Variants in C2CD2 observed in about 807,000 individuals in gnomAD.
The protein encoded by C2CD2 is C2 domain-containing protein 2.
In C2CD2, 43 loss-of-function variants were observed where a neutral mutation model predicts 74.3. The ratio of observed to expected loss-of-function variants is 0.58; its 90% CI spans 0.45 to 0.75. The LOEUF (loss-of-function observed/expected upper bound fraction) is 0.75. Ranked by LOEUF, C2CD2 falls within the 30% of genes least tolerant of loss-of-function variation. C2CD2 has a pLI of 0.00. For missense variants in C2CD2, 801 were observed against 916.3 expected (o/e 0.87, Z 1.63); for synonymous variants, 422 against 390.7 (o/e 1.08, Z -0.94).
rs1040464381 is a variant in C2CD2 at position 41,887,071 on chromosome 21, C to T, written c.*2053G>A. 3.9e-5 allele frequency: 6 copies of T among 152,166 alleles called. No homozygotes were observed. The highest frequency in any genetic ancestry group is 1.2e-4 in the African/African-American group (5 of 41,444). 9.4% of individuals were successfully genotyped at this position (152,166 alleles called of 1,614,324 possible). On this transcript the variant is annotated 3_prime_UTR_variant, in exon 14 of 14. Transcript: ENST00000380486. ...TCAAATAAAAAAGAACAATTAAAAA[C>T]TTCTCATCAGTGTCTGAAATTCTGA...
intron 1 of C2CD2, among the ~76,000 whole-genome samples, chr21:41,952,389 G>A (rs747141695): frequency 5.9e-5 from 9 of 152,196 alleles, no homozygotes; most frequent in African/African-American, 4.8e-5. Flanking sequence ...TGATGGGGCC[G>A]GACATTGAAA....
chr21:41,903,017 G>T lies in C2CD2; in HGVS notation c.1433-1268C>A, dbSNP rs934349685. Among the ~76,000 whole-genome samples the T allele has an allele frequency of 6.6e-6, 1 of 152,100 alleles. No homozygotes were observed. Among genetic ancestry groups the T allele is most frequent in the Admixed American group, 6.6e-5 (1 of 15,256 alleles). The stretch of plus-strand genomic sequence containing the variant: ...CTCAAATCACCAAAGGCCAATAAGT[G>T]AATCAATCATGCCTACATACCTACT... On this transcript the variant is annotated intron_variant, in intron 11 of 13. Coordinates refer to ENST00000380486, the MANE Select transcript of C2CD2 (RefSeq NM_015500.2). The surrounding 1 kb of genome is among the most constrained non-coding windows in gnomAD (Gnocchi z 4.5).
At chr21:41,902,266 A>G (rs905235478) in intron 11 of C2CD2, among the ~76,000 whole-genome samples, 1 of 152,232 alleles carries the variant, frequency 6.6e-6, no homozygotes, top group Non-Finnish European at 1.5e-5. Flanking sequence ...TTCCCTCCCA[A>G]GAGTGCCTAA....
chr21:41,917,521 A>G (rs1293713955), intron 5 of C2CD2, among the ~76,000 whole-genome samples: 1 of 152,228 alleles, frequency 6.6e-6, no homozygotes, highest in Non-Finnish European at 1.5e-5. Flanking sequence ...TAGGCCCATG[A>G]GGTTGACCAG....
intron 2 of C2CD2, among the ~76,000 whole-genome samples, chr21:41,928,561 A>G (rs1482865224): frequency 6.6e-6 from 1 of 150,598 alleles, no homozygotes; most frequent in African/African-American, 2.5e-5. Flanking sequence ...AAAAAAAAAA[A>G]AAAAAAAGAC....
chr21:41,922,767 G>A (rs907679610), intron 2 of C2CD2, among the ~76,000 whole-genome samples: 2 of 152,178 alleles, frequency 1.3e-5, no homozygotes, highest in East Asian at 1.9e-4. Context: ...GAGCCACCAC[G>A]CCTGGCCTAG....
chr21:41,936,385 A>G (rs2065307290), intron 2 of C2CD2, among the ~76,000 whole-genome samples: 1 of 152,242 alleles, frequency 6.6e-6, no homozygotes, highest in Admixed American at 6.5e-5. Context: ...CAAAGCCACA[A>G]GGAGATATCA....
At chr21:41,941,278 T>C (rs1280862501) in intron 2 of C2CD2, among the ~76,000 whole-genome samples, 1 of 152,106 alleles carries the variant, frequency 6.6e-6, no homozygotes, top group Non-Finnish European at 1.5e-5. Context: ...GGAGGATCAT[T>C]TGGGCCCAGA....
Position 41,926,059 on chromosome 21 carries a change from A to G in C2CD2, c.379-3974T>C, listed in dbSNP as rs993977994. 6.6e-6 allele frequency among the ~76,000 whole-genome samples: 1 copy of G among 152,132 alleles called. No homozygotes were observed. The highest frequency in any genetic ancestry group is 1.5e-5 in the Non-Finnish European group (1 of 68,026). Reference sequence around the variant, plus strand: ...GGATTTTAAAAAGTTAAATAGAAGCAATTATTTGGCATAGGCGGCAGTGAC... The same window carrying G: ...GGATTTTAAAAAGTTAAATAGAAGCGATTATTTGGCATAGGCGGCAGTGAC... On this transcript the variant is annotated intron_variant, in intron 2 of 13. Transcript: ENST00000380486. The surrounding 1 kb of genome is among the most constrained non-coding windows in gnomAD (Gnocchi z 8.0).
At chr21:41,921,766 G>A (rs12152071) in intron 3 of C2CD2, among the ~76,000 whole-genome samples, 4,150 of 152,180 alleles carry the variant, frequency 0.027, 109 homozygotes, top group South Asian at 0.12. Flanking sequence ...GTGTGTGTGT[G>A]TAGTGTGTGT....
At chr21:41,944,447 G>A (rs1249545746) in intron 1 of C2CD2, among the ~76,000 whole-genome samples, 8 of 151,016 alleles carry the variant, frequency 5.3e-5, no homozygotes, top group African/African-American at 1.5e-4. Flanking sequence ...GCATGAACCC[G>A]GGAGGCAGAC....
intron 13 of C2CD2, among the ~76,000 whole-genome samples, chr21:41,898,592 G>A (rs2064851404): frequency 6.6e-6 from 1 of 152,186 alleles, no homozygotes; most frequent in African/African-American, 2.4e-5. Flanking sequence ...TCCCTGTAGA[G>A]CCTCCTAGGG....
At chr21:41,897,123 G>T (rs376037892) in intron 13 of C2CD2, among the ~76,000 whole-genome samples, 125 of 152,354 alleles carry the variant, frequency 8.2e-4, no homozygotes, top group African/African-American at 3.0e-3. Flanking sequence ...GCCCGTGAAG[G>T]GAGAGGAGCA....
In C2CD2 at chr21:41,923,214, C is replaced by T. The variant is rs965863556; in HGVS notation, c.379-1129G>A. Among the ~76,000 whole-genome samples, 20 of 152,044 alleles carry T rather than the reference C, an allele frequency of 1.3e-4. No individual in the cohort carries two copies. Among genetic ancestry groups the T allele is most frequent in the African/African-American group, 2.2e-4 (9 of 41,384 alleles). ...GTTTCACCATTAGCCAGGAGGGTCTCGATCTCCTCACCTCGTGATCCGCCC... is the reference window on the plus strand; with the variant it reads ...GTTTCACCATTAGCCAGGAGGGTCTTGATCTCCTCACCTCGTGATCCGCCC... On this transcript the variant is annotated intron_variant, in intron 2 of 13. Coordinates refer to ENST00000380486, the MANE Select transcript of C2CD2 (RefSeq NM_015500.2). This position sits in a 1 kb window ranked among gnomAD's most constrained non-coding sequence, Gnocchi z 5.8.
intron 1 of C2CD2, among the ~76,000 whole-genome samples, chr21:41,947,167 T>C (rs1340781130): frequency 2.0e-4 from 21 of 102,452 alleles, no homozygotes; most frequent in Middle Eastern, 4.5e-3. Context: ...CCTCTCTCCT[T>C]CTTTTTTGAG....
In C2CD2 at chr21:41,926,470, A is replaced by C. The variant is rs538527069; in HGVS notation, c.379-4385T>G. On this transcript the variant is annotated intron_variant, in intron 2 of 13. Coordinates refer to ENST00000380486, the MANE Select transcript of C2CD2 (RefSeq NM_015500.2). This position sits in a 1 kb window ranked among gnomAD's most constrained non-coding sequence, Gnocchi z 8.0. ...GATGGAAGCACCACGGGGAGGGGAA[A>C]ACAAGACTGAAGGCTGAAGAGCAGG... The C allele has an allele frequency of 2.8e-5, 25 of 887,626 alleles. No individual in the cohort carries two copies. The South Asian group carries it at 1.1e-3, about 40-fold the overall frequency. The allele number at this position is 887,626 out of a possible 1,614,324, so 55.0% of individuals were successfully genotyped here.
intron 2 of C2CD2, among the ~76,000 whole-genome samples, chr21:41,931,916 C>T (rs1318631575): frequency 4.5e-5 from 3 of 66,122 alleles, no homozygotes; most frequent in African/African-American, 1.5e-4. Flanking sequence ...CAGCATCCCA[C>T]CACCCCACCT....
At chr21:41,908,243 T>TTCTGTGTGTGTGTGTGTGTGTG in intron 8 of C2CD2, 1 of 167,382 alleles carries the variant, frequency 6.0e-6, no homozygotes, top group Non-Finnish European at 1.2e-5. Context: ...TACCCTCAAG[T>TTCTGTGTGTGTGTGTGTGTGTG]TGTGTGTGTG....
chr21:41,944,521 CAAAAAA>C (rs369422328), intron 1 of C2CD2, among the ~76,000 whole-genome samples: 7 of 97,918 alleles, frequency 7.1e-5, no homozygotes, highest in African/African-American at 2.7e-4. Flanking sequence ...GACTCTGCCT[CAAAAAA>C]AAAAAAAAAA....
Sources: allele counts gnomAD v4.1 joint callset (sites outside exome capture counted in the v4.1 genomes callset), GRCh38; gene constraint gnomAD v4.1.1; non-coding constraint Gnocchi (gnomAD v3.1); transcripts MANE v1.5; gene names NCBI Gene and HGNC (gene_info 2026-07-23, HGNC 2026-07-21).